The following FANCI variants were observed in gnomAD, a reference collection of about 807,000 sequenced individuals.
The protein encoded by FANCI is Fanconi anemia group I protein.
Under a neutral mutation model 176.1 loss-of-function variants are expected in FANCI, and 156 were observed. The ratio of observed to expected loss-of-function variants is 0.89; its 90% confidence interval spans 0.78 to 1.01. The LOEUF is 1.01. FANCI is among the 50% of genes least tolerant of loss of function. FANCI has a pLI of 0.00. For synonymous variants in FANCI, 613 were observed against 541.7 expected (o/e 1.13, Z -1.83); for missense variants, 1,678 against 1,534.1 (o/e 1.09, Z -1.57).
chr15:89,297,454 A>G (rs2054343347), intron 24 of FANCI, among the ~76,000 whole-genome samples: 1 of 152,018 alleles, frequency 6.6e-6, no homozygotes, highest in Non-Finnish European at 1.5e-5. Flanking sequence ...ACGCCACTGC[A>G]CTCCAGCCTG....
intron 23 of FANCI, 62 bp downstream of exon 23, chr15:89,294,059 C>G: frequency 1.3e-6 from 2 of 1,558,044 alleles, no homozygotes; most frequent in South Asian, 2.2e-5. Context: ...CCTACCTAGG[C>G]TCACTTGTTT....
At chr15:89,276,926 T>G (rs369212768) in intron 13 of FANCI, 35 bp downstream of exon 13, 8 of 1,610,830 alleles carry the variant, frequency 5.0e-6, no homozygotes, top group Non-Finnish European at 6.8e-6. Context: ...TCCCTAATTT[T>G]GTTTAAATAA....
At chr15:89,278,118 C>T (rs1043563298) in intron 13 of FANCI, among the ~76,000 whole-genome samples, 2 of 152,182 alleles carry the variant, frequency 1.3e-5, no homozygotes. Flanking sequence ...TTTATCAAGG[C>T]ATCTTTATAA....
At chr15:89,275,087 T>C (rs1407975600) in intron 12 of FANCI, among the ~76,000 whole-genome samples, 4 of 146,930 alleles carry the variant, frequency 2.7e-5, no homozygotes, top group African/African-American at 9.9e-5. Flanking sequence ...TTTCTTCTTT[T>C]TTTTTTTTTT....
intron 10 of FANCI, among the ~76,000 whole-genome samples, chr15:89,268,916 T>G (rs2053088141): frequency 6.6e-6 from 1 of 152,232 alleles, no homozygotes; most frequent in Admixed American, 6.5e-5. Context: ...ATTTATGAAC[T>G]AGGATGTTGC....
intron 19 of FANCI, 85 bp from the exon 20 acceptor site, chr15:89,291,528 C>T: frequency 5.9e-6 from 6 of 1,025,278 alleles, no homozygotes; most frequent in South Asian, 1.3e-5. Context: ...AGGCATTAGA[C>T]ATTAAAGATA....
intron 24 of FANCI, among the ~76,000 whole-genome samples, chr15:89,296,424 G>T (rs1408983421): frequency 2.0e-5 from 3 of 148,174 alleles, no homozygotes; most frequent in African/African-American, 7.5e-5. Flanking sequence ...CGTTTTTTTT[G>T]TTTTGTTTTG....
intron 2 of FANCI, among the ~76,000 whole-genome samples, chr15:89,253,499 ACT>A (rs1359335505): frequency 6.6e-6 from 1 of 151,240 alleles, no homozygotes; most frequent in Admixed American, 6.6e-5. Flanking sequence ...TGAAAGTGAG[ACT>A]CTGTCTCTTA....
intron 14 of FANCI, among the ~76,000 whole-genome samples, 155 bp downstream of exon 14, chr15:89,278,929 T>C (rs1198938825): frequency 6.6e-6 from 1 of 152,230 alleles, no homozygotes; most frequent in African/African-American, 2.4e-5. Flanking sequence ...TTGTCTGGGA[T>C]TGTCAGTTGT....
chr15:89,281,902 G>C (rs1189268290), intron 16 of FANCI, 67 bp downstream of exon 16: 2 of 1,394,542 alleles, frequency 1.4e-6, no homozygotes, highest in Admixed American at 3.4e-5. Flanking sequence ...AGTTATCTCT[G>C]CCATCTCCTA....
intron 32 of FANCI, 34 bp from the exon 33 acceptor site, chr15:89,307,442 C>G: frequency 3.1e-6 from 5 of 1,595,722 alleles, no homozygotes; most frequent in Non-Finnish European, 3.4e-6. Flanking sequence ...TTTCATAGGA[C>G]AGTCTACTAA....
At chr15:89,256,305 C>T (rs1471496765) in intron 2 of FANCI, among the ~76,000 whole-genome samples, 2 of 152,168 alleles carry the variant, frequency 1.3e-5, no homozygotes, top group Non-Finnish European at 2.9e-5. Flanking sequence ...TGTCTAGTGT[C>T]CCCTGGGGGA....
At position 89,310,124 on chromosome 15, in the gene FANCI, G is replaced by C. The variant is rs114074359; in HGVS notation, c.3651+2452G>C. Among the ~76,000 whole-genome samples the C allele has an allele frequency of 5.9e-3, 892 of 152,300 alleles. 2 individuals are homozygous for C. The highest frequency in any genetic ancestry group is 0.02 in the African/African-American group (838 of 41,560). The stretch of plus-strand genomic sequence containing the variant: ...GACTTGAACCCAGCTAGTTAGACTC[G>C]ATAGCAGGAATTGGCACACTTTTTC... On this transcript the variant is annotated intron_variant, in intron 34 of 37. Coordinates refer to ENST00000310775, the MANE Select transcript of FANCI (RefSeq NM_001113378.2).
Position 89,283,385 on chromosome 15 carries a change from G to GTGC in FANCI, c.1698+138_1698+140dup, listed in dbSNP as rs1555446476. 2.2e-6 allele frequency: 3 copies of GTGC among 1,341,640 alleles called. No individual in the cohort carries two copies. In the Admixed American group the frequency reaches 5.7e-5, roughly 26 times the overall value. 83.1% of individuals were successfully genotyped at this position (1,341,640 alleles called of 1,614,324 possible). On this transcript the variant is annotated intron_variant, in intron 17 of 37. Coordinates refer to ENST00000310775, the MANE Select transcript of FANCI (RefSeq NM_001113378.2). ...ACTAAAGAGTCTGATGATGATGATGGTGCTGATGATGATGATGATGATGAT... is the reference window on the plus strand; with the variant it reads ...ACTAAAGAGTCTGATGATGATGATGGTGCTGCTGATGATGATGATGATGATGAT...
At chr15:89,312,880 G>A (rs376270933) in intron 34 of FANCI, 24 bp from the exon 35 acceptor site, 7 of 1,576,492 alleles carry the variant, frequency 4.4e-6, no homozygotes, top group Non-Finnish European at 6.1e-6. Flanking sequence ...TCAGGAATAA[G>A]AGAATGTGTT....
At chr15:89,283,331 C>T (rs1053274979) in intron 17 of FANCI, 81 bp downstream of exon 17, 3 of 1,596,054 alleles carry the variant, frequency 1.9e-6, no homozygotes, top group Admixed American at 1.7e-5. Context: ...TTCTTTTATT[C>T]CTGTTATGGT....
At chr15:89,296,948 G>A (rs1173292840) in intron 24 of FANCI, among the ~76,000 whole-genome samples, 5 of 150,038 alleles carry the variant, frequency 3.3e-5, no homozygotes, top group Admixed American at 6.6e-5. Context: ...CCCGGACGGG[G>A]CGGCTGGCCG....
intron 16 of FANCI, 75 bp from the exon 17 acceptor site, chr15:89,283,061 A>C: frequency 7.0e-7 from 1 of 1,436,068 alleles, no homozygotes; most frequent in Admixed American, 1.7e-5. Context: ...GTATGCAACT[A>C]GCTGGATTTT....
intron 37 of FANCI, 81 bp from the exon 38 acceptor site, chr15:89,316,316 A>T (rs1200493951): frequency 5.2e-6 from 7 of 1,346,148 alleles, no homozygotes; most frequent in South Asian, 2.5e-5. Context: ...GAGAAGATAG[A>T]GTCTTTTTTT....
Sources: gnomAD v4.1 joint callset for allele counts (sites outside exome capture counted in the v4.1 genomes callset) on GRCh38, gnomAD v4.1.1 for gene constraint, MANE v1.5 for transcripts, NCBI Gene and HGNC (gene_info 2026-07-23, HGNC 2026-07-21) for gene names.